The following SOCS6 variants were observed in gnomAD, a reference collection of about 807,000 sequenced individuals.
SOCS6 encodes the protein STAT induced STAT inhibitor-4.
SOCS6 carries 5 observed loss-of-function variants against 27.7 expected under a neutral mutation model. That is an observed-to-expected ratio of 0.18 (90% confidence interval 0.09 to 0.38). SOCS6 has a LOEUF of 0.38. Ranked by LOEUF, SOCS6 falls within the 10% of genes least tolerant of loss-of-function variation. The pLI is 1.00. For missense variants in SOCS6, 595 were observed against 688.1 expected (o/e 0.86, Z 1.51); for synonymous variants, 271 against 260.0 (o/e 1.04, Z -0.41).
chr18:70,327,752 T>G lies in SOCS6; in HGVS notation c.*1476T>G, dbSNP rs1911265346. ...ACACACCTTTAAAGGAAAATGTTTC[T>G]ATCTCAGATGAAACATGTAATTTGG... On this transcript the variant is annotated 3_prime_UTR_variant, in exon 2 of 2. Transcript: ENST00000397942. The G allele has an allele frequency of 6.0e-6, 1 of 167,016 alleles. No individual in the cohort carries two copies. Among genetic ancestry groups the G allele is most frequent in the Non-Finnish European group, 1.5e-5 (1 of 68,104 alleles). 10.3% of individuals were successfully genotyped at this position (167,016 alleles called of 1,614,324 possible). A position where few individuals can be genotyped will look rare whatever the true frequency, so the allele number is the denominator to read the frequency against.
intron 1 of SOCS6, among the ~76,000 whole-genome samples, chr18:70,323,469 T>A (rs1180563421): frequency 6.6e-6 from 1 of 152,160 alleles, no homozygotes; most frequent in Non-Finnish European, 1.5e-5. Context: ...AAGTAAAAAT[T>A]TGCCATGGGA....
At chr18:70,294,453 C>T (rs192621977) in intron 1 of SOCS6, among the ~76,000 whole-genome samples, 1 of 151,718 alleles carries the variant, frequency 6.6e-6, no homozygotes, top group Non-Finnish European at 1.5e-5. Context: ...TCCTCACCCC[C>T]TCTTTTATAA....
At chr18:70,290,221 G>A (rs914082226) in intron 1 of SOCS6, among the ~76,000 whole-genome samples, 4 of 152,168 alleles carry the variant, frequency 2.6e-5, no homozygotes, top group African/African-American at 9.7e-5. Context: ...AATTTACTGT[G>A]TTCCTTGGGA....
intron 1 of SOCS6, among the ~76,000 whole-genome samples, chr18:70,291,275 T>C (rs953011714): frequency 6.6e-6 from 1 of 152,128 alleles, no homozygotes; most frequent in African/African-American, 2.4e-5. Flanking sequence ...CCTGGCTGAT[T>C]GTTTTTTGGA....
intron 1 of SOCS6, among the ~76,000 whole-genome samples, chr18:70,310,547 G>C (rs1359337951): frequency 6.9e-6 from 1 of 145,400 alleles, no homozygotes; most frequent in Admixed American, 7.1e-5. Flanking sequence ...GGCTCAAGCA[G>C]TCTGCACACC....
chr18:70,312,771 ATTTTTT>A (rs375997089), intron 1 of SOCS6, among the ~76,000 whole-genome samples: 3,659 of 121,976 alleles, frequency 0.03, 87 homozygotes, highest in South Asian at 0.094. Flanking sequence ...AATTCTTTGG[ATTTTTT>A]TTTTTTTTTT....
chr18:70,321,187 T>G (rs1434575223), intron 1 of SOCS6, among the ~76,000 whole-genome samples: 4 of 151,524 alleles, frequency 2.6e-5, no homozygotes, highest in Admixed American at 1.3e-4. Flanking sequence ...GGTGGGAGGA[T>G]CTCTTGAACC....
At chr18:70,297,807 T>C (rs2146263561) in intron 1 of SOCS6, among the ~76,000 whole-genome samples, 1 of 152,354 alleles carries the variant, frequency 6.6e-6, no homozygotes, top group Non-Finnish European at 1.5e-5. Flanking sequence ...GTACATTTAA[T>C]AACAAATTTC....
At chr18:70,305,535 C>A (rs749239869) in intron 1 of SOCS6, among the ~76,000 whole-genome samples, 14 of 152,070 alleles carry the variant, frequency 9.2e-5, no homozygotes, top group Non-Finnish European at 1.5e-4. Flanking sequence ...TAACTTTGTT[C>A]TTTTTCAAAA....
At chr18:70,290,144 G>A (rs768954349) in intron 1 of SOCS6, among the ~76,000 whole-genome samples, 13 of 152,200 alleles carry the variant, frequency 8.5e-5, no homozygotes, top group Non-Finnish European at 8.8e-5. Context: ...TGTGCATGAG[G>A]ACAGAGAACA....
chr18:70,290,621 C>G (rs2062294633), intron 1 of SOCS6, among the ~76,000 whole-genome samples: 5 of 152,150 alleles, frequency 3.3e-5, no homozygotes, highest in African/African-American at 1.2e-4. Context: ...CCTAAGCCTG[C>G]CTTGGTGCCT....
At chr18:70,297,274 G>A (rs139215563) in intron 1 of SOCS6, among the ~76,000 whole-genome samples, 14 of 151,978 alleles carry the variant, frequency 9.2e-5, no homozygotes, top group South Asian at 2.1e-4. Context: ...GCCGTAATTC[G>A]CTTTGTGATT....
intron 1 of SOCS6, among the ~76,000 whole-genome samples, chr18:70,309,399 T>C (rs956420071): frequency 2.0e-5 from 3 of 152,244 alleles, no homozygotes; most frequent in Non-Finnish European, 4.4e-5. Flanking sequence ...TTTATGTTTG[T>C]CATTTTGCTA....
intron 1 of SOCS6, among the ~76,000 whole-genome samples, chr18:70,290,341 A>G (rs943354135): frequency 4.6e-5 from 7 of 152,250 alleles, no homozygotes; most frequent in Non-Finnish European, 1.0e-4. Context: ...GTTTTTAACC[A>G]ACTACCACAA....
chr18:70,310,276 A>G (rs1425808994), intron 1 of SOCS6, among the ~76,000 whole-genome samples: 1 of 148,206 alleles, frequency 6.7e-6, no homozygotes, highest in Admixed American at 6.7e-5. Flanking sequence ...AGTTTTCATA[A>G]ATGGTTTTTT....
chr18:70,325,223 G>C lies in SOCS6; in HGVS notation c.555G>C (p.Gln185His). 6.2e-7 allele frequency: 1 copy of C among 1,614,152 alleles called. No homozygotes were observed. ...ACCTCCAGTCTGAGACCACGTGCCAGGAGCAAGCCAATTCACTGAAGAGCT... is the reference window on the plus strand; with the variant it reads ...ACCTCCAGTCTGAGACCACGTGCCACGAGCAAGCCAATTCACTGAAGAGCT... Reference protein sequence around the residue: ...FHDLQSETTCQEQANSLKSSA... With the variant: ...FHDLQSETTCHEQANSLKSSA... The change falls in exon 2 of 2, where the codon CAG becomes CAC. Residue 185 changes from glutamine to histidine, a missense_variant. By Grantham distance (24) the Gln-to-His change is conservative. This residue lies in a region of SOCS6 where 467 missense variants were observed against 481.1 expected (regional missense o/e 0.97). Coordinates refer to ENST00000397942, the MANE Select transcript of SOCS6 (RefSeq NM_004232.4). This position sits in a 1 kb window ranked among gnomAD's most constrained non-coding sequence, Gnocchi z 6.3.
intron 1 of SOCS6, among the ~76,000 whole-genome samples, chr18:70,305,977 C>T (rs2062367586): frequency 6.6e-6 from 1 of 151,952 alleles, no homozygotes; most frequent in Non-Finnish European, 1.5e-5. Flanking sequence ...GGGGCTTATG[C>T]CTATAATCTC....
Position 70,305,882 on chromosome 18 carries a change from G to A in SOCS6, c.-127+16792G>A, listed in dbSNP as rs968448746. On this transcript the variant is annotated intron_variant, in intron 1 of 1. Coordinates refer to ENST00000397942, the MANE Select transcript of SOCS6 (RefSeq NM_004232.4). ...TGTTGCTAGGTTTGTAGGCTTGTAG[G>A]GTGGGTGTGTGGGGGTGTGTGTGTG... Among the ~76,000 whole-genome samples, 3 of 151,954 alleles carry A rather than the reference G, an allele frequency of 2.0e-5. No homozygotes were observed. The East Asian group carries it at 5.8e-4, about 29-fold the overall frequency.
At chr18:70,298,478 A>G (rs2062334084) in intron 1 of SOCS6, among the ~76,000 whole-genome samples, 1 of 152,150 alleles carries the variant, frequency 6.6e-6, no homozygotes, top group Non-Finnish European at 1.5e-5. Flanking sequence ...TACATTTATC[A>G]TTCTGGAGGT....
Sources: allele counts gnomAD v4.1 joint callset (sites outside exome capture counted in the v4.1 genomes callset), GRCh38; gene constraint gnomAD v4.1.1; regional missense constraint gnomAD v4.1.1; non-coding constraint Gnocchi (gnomAD v3.1); transcripts MANE v1.5; gene names NCBI Gene and HGNC (gene_info 2026-07-23, HGNC 2026-07-21).